The following CMKLR1 variants were observed in gnomAD, a reference collection of about 807,000 sequenced individuals.
CMKLR1 encodes chemerin chemokine-like receptor 1.
Under a neutral mutation model 8.2 loss-of-function variants are expected in CMKLR1, and 6 were observed. That is an observed-to-expected ratio of 0.73 (90% CI 0.40 to 1.44). The LOEUF is 1.44. Ranked by LOEUF, CMKLR1 falls within the 40% of genes most tolerant of loss-of-function variation. CMKLR1 has a pLI of 0.02. For synonymous variants in CMKLR1, 178 were observed against 181.2 expected (o/e 0.98, Z 0.14); for missense variants, 429 against 478.0 (o/e 0.90, Z 0.96).
intron 2 of CMKLR1, among the ~76,000 whole-genome samples, chr12:108,313,376 C>T (rs936797218): frequency 6.6e-6 from 1 of 151,958 alleles, no homozygotes; most frequent in African/African-American, 2.4e-5. Flanking sequence ...GGGTCTCACA[C>T]CCTCATCTTA....
chr12:108,296,078 C>G (rs1229874088), intron 2 of CMKLR1, among the ~76,000 whole-genome samples: 1 of 152,158 alleles, frequency 6.6e-6, no homozygotes, highest in Non-Finnish European at 1.5e-5. Flanking sequence ...AGGCACAAGT[C>G]ACAGGTTTGC....
chr12:108,300,203 T>C (rs1593160618), intron 2 of CMKLR1, among the ~76,000 whole-genome samples: 1 of 152,156 alleles, frequency 6.6e-6, no homozygotes, highest in African/African-American at 2.4e-5. Context: ...TTCAGGAGAG[T>C]GGGCTTGTTG....
intron 1 of CMKLR1, among the ~76,000 whole-genome samples, chr12:108,338,314 A>G (rs1892278425): frequency 6.6e-6 from 1 of 152,250 alleles, no homozygotes; most frequent in Non-Finnish European, 1.5e-5. Flanking sequence ...ATGGGAACAG[A>G]CTTGAACAGG....
intron 2 of CMKLR1, among the ~76,000 whole-genome samples, chr12:108,325,899 T>TC (rs1891972617): frequency 6.6e-6 from 1 of 151,780 alleles, no homozygotes; most frequent in African/African-American, 2.4e-5. Flanking sequence ...CTGCAGAAAG[T>TC]GCAAGGACCC....
chr12:108,336,785 T>C (rs1190983141), intron 1 of CMKLR1, among the ~76,000 whole-genome samples: 1 of 152,132 alleles, frequency 6.6e-6, no homozygotes, highest in Non-Finnish European at 1.5e-5. Context: ...CTCAGATGAG[T>C]GTCACAGGTA....
intron 2 of CMKLR1, among the ~76,000 whole-genome samples, chr12:108,294,269 G>A (rs1016995166): frequency 1.3e-5 from 2 of 152,190 alleles, no homozygotes; most frequent in Non-Finnish European, 2.9e-5. Flanking sequence ...TGAATGAGAT[G>A]CAGGCTCTGA....
intron 2 of CMKLR1, among the ~76,000 whole-genome samples, chr12:108,328,723 G>A (rs7297376): frequency 0.039 from 5,944 of 152,206 alleles, 389 homozygotes; most frequent in African/African-American, 0.13. Context: ...TGTTCTTGAC[G>A]TCAGTCAGCC....
At chr12:108,322,091 T>C (rs894619692) in intron 2 of CMKLR1, among the ~76,000 whole-genome samples, 1 of 152,212 alleles carries the variant, frequency 6.6e-6, no homozygotes, top group Non-Finnish European at 1.5e-5. Context: ...ATCAGGTATA[T>C]GTTACATGAG....
At chr12:108,318,992 G>C (rs1234505644) in intron 2 of CMKLR1, among the ~76,000 whole-genome samples, 1 of 152,160 alleles carries the variant, frequency 6.6e-6, no homozygotes, top group Admixed American at 6.5e-5. Context: ...GTGGACAACA[G>C]GGTGCCTGCC....
intron 2 of CMKLR1, among the ~76,000 whole-genome samples, chr12:108,316,665 C>T (rs551836920): frequency 6.6e-6 from 1 of 152,316 alleles, no homozygotes; most frequent in East Asian, 1.9e-4. Context: ...GAATAGCTGT[C>T]CTCCTGGGGT....
chr12:108,324,979 A>G (rs536675916), intron 2 of CMKLR1, among the ~76,000 whole-genome samples: 4 of 152,260 alleles, frequency 2.6e-5, no homozygotes, highest in African/African-American at 7.2e-5. Flanking sequence ...GTTTTGCCCA[A>G]AGTTGCTGCA....
At chr12:108,293,509 CTTG>C (rs909751408) in intron 3 of CMKLR1, 77 bp downstream of exon 3, 3 of 1,472,164 alleles carry the variant, frequency 2.0e-6, no homozygotes, top group African/African-American at 2.8e-5. Flanking sequence ...AGTGGACAGC[CTTG>C]TTGTGATCCC....
At position 108,301,071 on chromosome 12, in the gene CMKLR1, C is replaced by CTTT. The variant is rs11303250; in HGVS notation, c.-73-7410_-73-7408dup. Reference sequence around the variant, plus strand: ...GACCACAATCAGCATCCACCCAAGTCTTTTTTTTTTTTTTTTTTTTTTTGA... The same window carrying CTTT: ...GACCACAATCAGCATCCACCCAAGTCTTTTTTTTTTTTTTTTTTTTTTTTTTGA... On this transcript the variant is annotated intron_variant, in intron 2 of 3. Transcript: ENST00000550402. 8.6e-4 allele frequency among the ~76,000 whole-genome samples: 78 copies of CTTT among 90,400 alleles called. 1 individual carries two copies. The highest frequency in any genetic ancestry group is 1.6e-3 in the African/African-American group (36 of 22,970). 59.3% of individuals were successfully genotyped at this position (90,400 alleles called of 152,430 possible). A position where few individuals can be genotyped will look rare whatever the true frequency, so the allele number is the denominator to read the frequency against.
At chr12:108,293,543 G>C in intron 3 of CMKLR1, 46 bp downstream of exon 3, 10 of 1,550,594 alleles carry the variant, frequency 6.4e-6, no homozygotes, top group Non-Finnish European at 8.7e-6. Context: ...CAATCTGTCA[G>C]TGGTCACTGG....
chr12:108,302,547 G>A (rs1277846139), intron 2 of CMKLR1, among the ~76,000 whole-genome samples: 1 of 151,962 alleles, frequency 6.6e-6, no homozygotes, highest in Non-Finnish European at 1.5e-5. Context: ...TACAGAGGGT[G>A]GCCTTGGCTC....
At chr12:108,320,818 C>T (rs548398068) in intron 2 of CMKLR1, among the ~76,000 whole-genome samples, 1 of 152,354 alleles carries the variant, frequency 6.6e-6, no homozygotes, top group African/African-American at 2.4e-5. Flanking sequence ...ACCCCAGAAA[C>T]TCCAGCACAG....
At position 108,314,074 on chromosome 12, in the gene CMKLR1, T is replaced by C. The variant is rs138145711; in HGVS notation, c.-74+15921A>G. Among the ~76,000 whole-genome samples the C allele has an allele frequency of 2.0e-3, 307 of 152,254 alleles. 1 individual carries two copies. The highest frequency in any genetic ancestry group is 7.1e-3 in the African/African-American group (296 of 41,530). The stretch of plus-strand genomic sequence containing the variant: ...GCCACAATATGGTTTTGCTTGCAGG[T>C]TTGTCGATTTTTTATTTTTGTTCAC... On this transcript the variant is annotated intron_variant, in intron 2 of 3. Transcript: ENST00000550402.
intron 2 of CMKLR1, among the ~76,000 whole-genome samples, chr12:108,314,577 C>T (rs1048354359): frequency 1.3e-5 from 2 of 152,220 alleles, no homozygotes; most frequent in African/African-American, 2.4e-5. Flanking sequence ...TCAGTCTACA[C>T]ATCCAGGTGT....
chr12:108,307,954 A>G (rs1278760305), intron 2 of CMKLR1, among the ~76,000 whole-genome samples: 3 of 152,218 alleles, frequency 2.0e-5, no homozygotes, highest in African/African-American at 7.2e-5. Flanking sequence ...TCAGGTCACA[A>G]ACAATGCCAG....
Sources: gnomAD v4.1 joint callset for allele counts (sites outside exome capture counted in the v4.1 genomes callset) on GRCh38, gnomAD v4.1.1 for gene constraint, MANE v1.5 for transcripts, NCBI Gene and HGNC (gene_info 2026-07-23, HGNC 2026-07-21) for gene names.